The following GLI3 variants were observed in gnomAD, a reference collection of about 807,000 sequenced individuals.
The protein encoded by GLI3 is transcription activator GLI3.
A neutral mutation model predicts 100.8 loss-of-function variants in GLI3; 20 were observed. That is an observed-to-expected ratio of 0.20 (90% confidence interval 0.14 to 0.29). GLI3 has a LOEUF of 0.29. Among genes scored for constraint, GLI3 ranks in the 10% least tolerant of loss-of-function variants. GLI3 has a pLI of 1.00. For synonymous variants in GLI3, 938 were observed against 860.5 expected, an observed-to-expected ratio of 1.09 and a Z score of -1.58; for missense variants, 2,040 against 2,128.5, an observed-to-expected ratio of 0.96 and a Z score of 0.82.
At chr7:42,245,327 A>G (rs543468684) in intron 1 of GLI3, among the ~76,000 whole-genome samples, 1 of 152,306 alleles carries the variant, frequency 6.6e-6, no homozygotes, top group Admixed American at 6.5e-5. Flanking sequence ...GCCGCTTCTC[A>G]GTCATATATT....
At chr7:42,231,335 TA>T (rs1207488949) in intron 1 of GLI3, among the ~76,000 whole-genome samples, 1 of 152,238 alleles carries the variant, frequency 6.6e-6, no homozygotes, top group African/African-American at 2.4e-5. Context: ...ATTGCAGATT[TA>T]AAAGCAATAC....
intron 1 of GLI3, among the ~76,000 whole-genome samples, chr7:42,252,183 G>A (rs542771990): frequency 2.1e-4 from 9 of 42,676 alleles, no homozygotes; most frequent in Admixed American, 5.4e-4. Flanking sequence ...ATGAGATCAC[G>A]TCTTGTGAGA....
At chr7:42,122,139 A>G (rs1285564782) in intron 3 of GLI3, among the ~76,000 whole-genome samples, 1 of 151,366 alleles carries the variant, frequency 6.6e-6, no homozygotes, top group Non-Finnish European at 1.5e-5. Context: ...GAAAAATGCT[A>G]TTTGATAAAA....
At chr7:42,256,820 C>T (rs1340829798) in intron 1 of GLI3, among the ~76,000 whole-genome samples, 1 of 152,032 alleles carries the variant, frequency 6.6e-6, no homozygotes, top group East Asian at 1.9e-4. Context: ...ACAGAAATGC[C>T]AATGGAAATT....
chr7:42,210,093 A>G (rs923635158), intron 2 of GLI3, among the ~76,000 whole-genome samples: 2 of 151,554 alleles, frequency 1.3e-5, no homozygotes, highest in Non-Finnish European at 2.9e-5. Context: ...CCTCTCCATC[A>G]AGGTCAAGGG....
chr7:42,148,054 G>C (rs1786760191), intron 3 of GLI3, among the ~76,000 whole-genome samples, 172 bp downstream of exon 3: 1 of 151,858 alleles, frequency 6.6e-6, no homozygotes, highest in South Asian at 2.1e-4. Flanking sequence ...GAATGGGAAA[G>C]AAGTAGGGAA....
chr7:42,025,143 A>C, intron 9 of GLI3, 121 bp downstream of exon 9: 1 of 708,724 alleles, frequency 1.4e-6, no homozygotes, highest in East Asian at 2.5e-5. Flanking sequence ...AAGGTCAACA[A>C]TGCAGTGGAC....
chr7:42,063,152 A>G (rs1264476877), intron 4 of GLI3, among the ~76,000 whole-genome samples: 1 of 152,166 alleles, frequency 6.6e-6, no homozygotes, highest in Admixed American at 6.6e-5. Flanking sequence ...CAGCTATAGC[A>G]TTTTGAAAAC....
At chr7:41,983,250 G>A (rs573020569) in intron 10 of GLI3, among the ~76,000 whole-genome samples, 2 of 152,292 alleles carry the variant, frequency 1.3e-5, no homozygotes, top group African/African-American at 4.8e-5. Context: ...AAGGAGGTAC[G>A]TTCTAGTGCC....
intron 2 of GLI3, among the ~76,000 whole-genome samples, chr7:42,206,050 C>A (rs1042145669): frequency 1.3e-5 from 2 of 152,080 alleles, no homozygotes; most frequent in African/African-American, 4.8e-5. Context: ...GGTGGATCAT[C>A]TGAGGTCAGA....
At chr7:42,176,206 T>C (rs925774789) in intron 2 of GLI3, among the ~76,000 whole-genome samples, 1 of 152,092 alleles carries the variant, frequency 6.6e-6, no homozygotes, top group Non-Finnish European at 1.5e-5. Context: ...TTAGTCCCCA[T>C]ATGCTGGTGC....
chr7:41,967,546 G>T, intron 14 of GLI3, 50 bp downstream of exon 14: 1 of 1,329,132 alleles, frequency 7.5e-7, no homozygotes, highest in Non-Finnish European at 1.1e-6. Flanking sequence ...GCATTTAAAA[G>T]AACAGAAAAA....
intron 2 of GLI3, among the ~76,000 whole-genome samples, chr7:42,155,974 C>T (rs1338332116): frequency 6.6e-6 from 1 of 152,178 alleles, no homozygotes; most frequent in African/African-American, 2.4e-5. Flanking sequence ...GCAGCCCCAT[C>T]TCTACCCCCG....
At chr7:42,056,399 T>C (rs999731588) in intron 4 of GLI3, among the ~76,000 whole-genome samples, 3 of 152,096 alleles carry the variant, frequency 2.0e-5, no homozygotes, top group African/African-American at 2.4e-5. Flanking sequence ...CTAAAAAGCA[T>C]TCACAGGAGG....
chr7:42,073,898 G>A (rs998570951), intron 4 of GLI3, among the ~76,000 whole-genome samples: 4 of 152,116 alleles, frequency 2.6e-5, no homozygotes, highest in Non-Finnish European at 1.5e-5. Context: ...TCAAGTTTTG[G>A]ATGAAGTGAT....
chr7:42,166,464 G>A (rs1050443510), intron 2 of GLI3, among the ~76,000 whole-genome samples: 5 of 152,028 alleles, frequency 3.3e-5, no homozygotes, highest in East Asian at 3.9e-4. Flanking sequence ...CTTTCTGATC[G>A]GGATGAGGCC....
rs751524763 is a variant in GLI3 at position 41,978,585 on chromosome 7, A to C, written c.1647+14T>G. On this transcript the variant is annotated intron_variant, in intron 11 of 14. Coordinates refer to ENST00000395925, the MANE Select transcript of GLI3 (RefSeq NM_000168.6). ...AAGGACCCAAGTGTGCCTGCCACCC[A>C]CTTCTGTACTCACAGTGCATTTGTG... 2 of 1,613,708 alleles carry C rather than the reference A, an allele frequency of 1.2e-6. No homozygotes were observed. Among genetic ancestry groups the C allele is most frequent in the Non-Finnish European group, 8.5e-7 (1 of 1,179,782 alleles).
rs1262185592 is a variant in GLI3, at chr7:42,040,239, C to T, written c.827G>A (p.Ser276Asn). 7.4e-6 allele frequency: 12 copies of T among 1,610,764 alleles called. No homozygotes were observed. The highest frequency in any genetic ancestry group is 1.3e-5 in the African/African-American group (1 of 74,820). The change falls in exon 7 of 15, where the codon AGC becomes AAC. Residue 276 changes from serine (S) to asparagine (N), a missense_variant and splice_region_variant. Physicochemically the swap from Ser to Asn is conservative, Grantham distance 46. This residue lies in a region of GLI3 where 603 missense variants were observed against 690.9 expected (regional missense o/e 0.87). Transcript: ENST00000395925. ...IHMEYLHAMD[S>N]TRFSSPRLSA... ...CAGCCTGGGGCTGGAGAATCTGGTG[C>T]CTGTTATATAAACAAAAAAGAACCT...
intron 4 of GLI3, among the ~76,000 whole-genome samples, chr7:42,063,068 C>T (rs80106513): frequency 0.041 from 6,232 of 152,214 alleles, 394 homozygotes; most frequent in African/African-American, 0.14. Context: ...AACCATCACA[C>T]AACACATGCT....
Sources: gnomAD v4.1 joint callset for allele counts (sites outside exome capture counted in the v4.1 genomes callset) on GRCh38, gnomAD v4.1.1 for gene constraint, gnomAD v4.1.1 regional missense constraint, MANE v1.5 for transcripts, NCBI Gene and HGNC (gene_info 2026-07-23, HGNC 2026-07-21) for gene names.